The following GREB1L variants were observed in gnomAD, a reference collection of about 807,000 sequenced individuals.
GREB1L encodes the protein GREB1 like retinoic acid receptor coactivator, also known as GREB1-like protein.
In GREB1L, 17 loss-of-function variants were observed where a neutral mutation model predicts 200.8. That is an observed-to-expected ratio of 0.08 (90% CI 0.06 to 0.13). The LOEUF (loss-of-function observed/expected upper bound fraction) is 0.13. Among genes scored for constraint, GREB1L ranks in the 10% least tolerant of loss-of-function variants. The probability of loss-of-function intolerance (pLI) is 1.00; values close to 1 mark genes in which losing one functional copy is unlikely to be tolerated. For synonymous variants in GREB1L, 789 were observed against 893.0 expected, an observed-to-expected ratio of 0.88 and a Z score of 2.08; for missense variants, 1,657 against 2,367.7, an observed-to-expected ratio of 0.70 and a Z score of 6.23.
At chr18:21,307,712 T>A (rs1462840409) in intron 1 of GREB1L, among the ~76,000 whole-genome samples, 5 of 152,182 alleles carry the variant, frequency 3.3e-5, no homozygotes, top group Non-Finnish European at 7.4e-5. Context: ...CTGTGCCCTC[T>A]GACTTCTGCC....
At chr18:21,450,361 C>T (rs2034459543) in intron 12 of GREB1L, among the ~76,000 whole-genome samples, 2 of 151,978 alleles carry the variant, frequency 1.3e-5, no homozygotes, top group Admixed American at 6.6e-5. Flanking sequence ...TATCAGGCAC[C>T]CTCTTGGGTA....
chr18:21,316,384 A>G (rs1018772526), intron 1 of GREB1L, among the ~76,000 whole-genome samples: 2 of 152,228 alleles, frequency 1.3e-5, no homozygotes, highest in African/African-American at 4.8e-5. Context: ...ATAAAAACTC[A>G]AAGAAGGTAC....
intron 11 of GREB1L, 97 bp from the exon 12 acceptor site, chr18:21,449,413 A>G: frequency 2.9e-6 from 2 of 700,382 alleles, no homozygotes; most frequent in African/African-American, 1.8e-5. Flanking sequence ...TGGAGTATGT[A>G]TGATGGGCTG....
chr18:21,345,162 C>A (rs1200778551), intron 1 of GREB1L, among the ~76,000 whole-genome samples: 1 of 152,270 alleles, frequency 6.6e-6, no homozygotes, highest in Admixed American at 6.5e-5. Context: ...GCACTTCAGA[C>A]CCTATTAGAT....
chr18:21,308,334 G>T (rs570856325), intron 1 of GREB1L, among the ~76,000 whole-genome samples: 1 of 152,158 alleles, frequency 6.6e-6, no homozygotes, highest in Non-Finnish European at 1.5e-5. Context: ...ACACTATTTG[G>T]TCCCTGCCAT....
chr18:21,409,362 T>G (rs2030683260), intron 7 of GREB1L, among the ~76,000 whole-genome samples: 1 of 152,206 alleles, frequency 6.6e-6, no homozygotes, highest in Admixed American at 6.5e-5. Flanking sequence ...AGTGCTTGCC[T>G]GGAGCAGGGA....
chr18:21,352,104 C>T (rs904533253), intron 1 of GREB1L, among the ~76,000 whole-genome samples: 1 of 152,252 alleles, frequency 6.6e-6, no homozygotes, highest in Non-Finnish European at 1.5e-5. Context: ...CCTCTGCCTC[C>T]CAAAGTGCTG....
At chr18:21,437,724 G>C (rs1341765119) in intron 7 of GREB1L, among the ~76,000 whole-genome samples, 1 of 152,108 alleles carries the variant, frequency 6.6e-6, no homozygotes, top group Non-Finnish European at 1.5e-5. Flanking sequence ...TTAATTGTAA[G>C]AAAGAAAAGG....
chr18:21,496,817 C>A, intron 21 of GREB1L, 119 bp downstream of exon 21: 2 of 1,126,436 alleles, frequency 1.8e-6, no homozygotes, highest in Non-Finnish European at 2.5e-6. Context: ...CCTTCAGGGA[C>A]TGGCATCCTC....
At chr18:21,451,302 C>T in intron 13 of GREB1L, 151 bp downstream of exon 13, 3 of 816,138 alleles carry the variant, frequency 3.7e-6, no homozygotes, top group Non-Finnish European at 5.6e-6. Context: ...TTGTCACTAA[C>T]ACCACAGGAA....
chr18:21,393,507 G>A (rs1163267930), intron 4 of GREB1L, among the ~76,000 whole-genome samples: 5 of 150,034 alleles, frequency 3.3e-5, no homozygotes, highest in Non-Finnish European at 7.4e-5. Context: ...ACAGAGCCTC[G>A]CTCTGTTGCC....
At chr18:21,268,530 C>T (rs1420357180) in intron 1 of GREB1L, among the ~76,000 whole-genome samples, 102 of 84,692 alleles carry the variant, frequency 1.2e-3, no homozygotes, top group African/African-American at 5.3e-3. Context: ...TATACACACA[C>T]ACACACACAC....
At chr18:21,244,371 A>G (rs1278257919) in intron 1 of GREB1L, among the ~76,000 whole-genome samples, 4 of 152,182 alleles carry the variant, frequency 2.6e-5, no homozygotes, top group Non-Finnish European at 4.4e-5. Context: ...GACATAATAT[A>G]AAGATGTTAG....
chr18:21,376,590 G>T (rs2040081266), intron 2 of GREB1L, among the ~76,000 whole-genome samples: 1 of 151,502 alleles, frequency 6.6e-6, no homozygotes. Context: ...GGATCACGAG[G>T]TCCGGAGATG....
intron 19 of GREB1L, among the ~76,000 whole-genome samples, chr18:21,492,143 A>G (rs377447710): frequency 4.4e-4 from 67 of 152,018 alleles, no homozygotes; most frequent in East Asian, 2.1e-3. Flanking sequence ...TCAGGAGATC[A>G]AGACCACCCT....
intron 23 of GREB1L, 103 bp downstream of exon 23, chr18:21,500,745 T>A: frequency 1.3e-6 from 1 of 764,588 alleles, no homozygotes; most frequent in Non-Finnish European, 2.1e-6. Context: ...CTACAGTACC[T>A]AACCTGCAGA....
At chr18:21,357,845 C>G (rs2143476341) in intron 1 of GREB1L, among the ~76,000 whole-genome samples, 1 of 152,272 alleles carries the variant, frequency 6.6e-6, no homozygotes, top group Middle Eastern at 3.4e-3. Flanking sequence ...CAGTACCATG[C>G]TTTTTTGATT....
intron 15 of GREB1L, among the ~76,000 whole-genome samples, chr18:21,469,443 G>A (rs1036140774): frequency 2.6e-5 from 4 of 151,914 alleles, no homozygotes; most frequent in African/African-American, 9.7e-5. Context: ...TTCACATACT[G>A]TTTTCTTACT....
At chr18:21,257,904 A>G (rs1307158347) in intron 1 of GREB1L, among the ~76,000 whole-genome samples, 1 of 152,240 alleles carries the variant, frequency 6.6e-6, no homozygotes, top group Non-Finnish European at 1.5e-5. Flanking sequence ...TAAAGTAGGC[A>G]TCATTATTCT....
Sources: gnomAD v4.1 joint callset for allele counts (sites outside exome capture counted in the v4.1 genomes callset) on GRCh38, gnomAD v4.1.1 for gene constraint, MANE v1.5 for transcripts, NCBI Gene and HGNC (gene_info 2026-07-23, HGNC 2026-07-21) for gene names.